KNDC1: variants seen among roughly 807,000 people sequenced by gnomAD.
KNDC1 encodes the protein kinase non-catalytic C-lobe domain-containing protein 1.
In KNDC1, 106 loss-of-function variants were observed where a neutral mutation model predicts 172.8. The observed-to-expected ratio is 0.61, with a 90% CI of 0.52 to 0.72. The LOEUF (loss-of-function observed/expected upper bound fraction) is 0.72, where lower values mean the gene tolerates loss of function less well. KNDC1 is among the 30% of genes least tolerant of loss of function. KNDC1 has a pLI of 0.00. For missense variants in KNDC1, 2,325 were observed against 2,394.5 expected (o/e 0.97, Z 0.61); for synonymous variants, 1,083 against 1,062.2 (o/e 1.02, Z -0.38).
rs891187656 is a variant in KNDC1, at chr10:133,212,730, G to A, written c.4251G>A (p.Arg1417=). Residue 1417 remains arginine (R), a synonymous_variant, in exon 24 of 30, where the codon AGG becomes AGA. Coordinates refer to ENST00000304613, the MANE Select transcript of KNDC1 (RefSeq NM_152643.8). ...DGISRKSFPW[R]LPRGNGLVLP... is the part of the protein sequence containing the mutation. ...CTGCCCTGCAGAGCTTCCCCTGGAG[G>A]CTGCCCCGAGGCAACGGGCTGGTGC... The A allele has an allele frequency of 7.4e-6, 12 of 1,612,912 alleles. No individual in the cohort carries two copies. The highest frequency in any genetic ancestry group is 1.0e-5 in the Non-Finnish European group (12 of 1,179,706).
rs925260012 is a variant in KNDC1 at position 133,224,393 on chromosome 10, C to G, written c.5019-266C>G. ...AGACTGGGCTTGACTCTTCTTGGGA[C>G]GCTCAGCAGGGACGAGCCTGAGCCT... On this transcript the variant is annotated intron_variant, in intron 29 of 29. Transcript: ENST00000304613. This position sits in a 1 kb window ranked among gnomAD's most constrained non-coding sequence, Gnocchi z 5.4. Among the ~76,000 whole-genome samples, 3 of 152,112 alleles carry G rather than the reference C, an allele frequency of 2.0e-5. No homozygotes were observed. Among genetic ancestry groups the G allele is most frequent in the African/African-American group, 7.2e-5 (3 of 41,422 alleles).
chr10:133,219,203 G>A (rs1845530714), intron 28 of KNDC1, 113 bp downstream of exon 28: 1 of 1,335,106 alleles, frequency 7.5e-7, no homozygotes, highest in Admixed American at 2.1e-5. Flanking sequence ...GTGTGTGCAG[G>A]TGGCCCAGCC....
intron 1 of KNDC1, 89 bp from the exon 2 acceptor site, chr10:133,167,292 G>C: frequency 1.5e-6 from 2 of 1,307,548 alleles, no homozygotes; most frequent in East Asian, 2.5e-5. Flanking sequence ...GCCACGAGTC[G>C]TCCGTTTCCC....
Position 133,189,755 on chromosome 10 carries a change from C to T in KNDC1, c.1517C>T (p.Ser506Phe), listed in dbSNP as rs1007792587. 2.5e-6 allele frequency: 4 copies of T among 1,614,110 alleles called. No homozygotes were observed. Among genetic ancestry groups the T allele is most frequent in the Non-Finnish European group, 2.5e-6 (3 of 1,180,014 alleles). The change falls in exon 9 of 30, where the codon TCC becomes TTC. Residue 506 changes from serine (S) to phenylalanine (F), a missense_variant. Physicochemically the swap from Ser to Phe is radical, Grantham distance 155. Transcript: ENST00000304613. Reference protein sequence around the residue: ...VLFQPPPANGSYDSFFLAPEL... With the variant: ...VLFQPPPANGFYDSFFLAPEL... ...CTCAGTCGGGTTTCTCTCTTAGGTT[C>T]CTATGACTCGTTCTTTCTGGCTCCC...
chr10:133,167,240 C>T lies in KNDC1; in HGVS notation c.103-141C>T, dbSNP rs952105532. On this transcript the variant is annotated intron_variant, in intron 1 of 29. Coordinates refer to ENST00000304613, the MANE Select transcript of KNDC1 (RefSeq NM_152643.8). ...GGACGACTCTTGAAACAAAATGAGA[C>T]GTGGTCTAAAGCCCTTTCCCTGACC... The T allele has an allele frequency of 5.2e-5, 38 of 724,288 alleles. 1 individual carries two copies. The highest frequency in any genetic ancestry group is 4.8e-4 in the South Asian group (26 of 54,472). The allele number at this position is 724,288 out of a possible 1,614,324, so 44.9% of individuals were successfully genotyped here.
intron 7 of KNDC1, 109 bp downstream of exon 7, chr10:133,188,762 GCCCCCCCA>G (rs1853997069): frequency 1.9e-6 from 1 of 533,864 alleles, no homozygotes; most frequent in African/African-American, 3.4e-5. Flanking sequence ...ACCGTCCCAC[GCCCCCCCA>G]CTGTCCCATC....
Position 133,199,139 on chromosome 10 carries a change from C to T in KNDC1, c.2631C>T (p.Pro877=). 2 of 1,598,654 alleles carry T rather than the reference C, an allele frequency of 1.3e-6. No individual in the cohort carries two copies. Among genetic ancestry groups the T allele is most frequent in the African/African-American group, 1.3e-5 (1 of 74,894 alleles). The change falls in exon 14 of 30, where the codon CCC becomes CCT. Residue 877 remains proline, a synonymous_variant. Coordinates refer to ENST00000304613, the MANE Select transcript of KNDC1 (RefSeq NM_152643.8). ...CCGCAGACCGGAGGCTCTGTCTGCC[C>T]TGCGTGGATGCCTCGCCACTCCCAG... ...PRPADRRLCL[P]CVDASPLPGR...
rs758201955 is a variant in KNDC1 at position 133,211,531 on chromosome 10, G to A, written c.4018G>A (p.Gly1340Arg). ...CGCTGTGGACTTCCCTCGGAACAGC[G>A]GGCTGCTGGGGAAGCTAGAGGACTT... is the stretch of plus-strand genomic sequence containing the variant. ...CYAVDFPRNS[G>R]LLGKLEDFIS... Residue 1340 changes from glycine (G) to arginine (R), a missense_variant, in exon 22 of 30, where the codon GGG becomes AGG. Gly to Arg is a moderately radical substitution (Grantham distance 125). Coordinates refer to ENST00000304613, the MANE Select transcript of KNDC1 (RefSeq NM_152643.8). 88 of 1,614,006 alleles carry A rather than the reference G, an allele frequency of 5.5e-5. No homozygotes were observed. Among genetic ancestry groups the A allele is most frequent in the Middle Eastern group, 5.0e-4 (3 of 6,058 alleles).
Position 133,186,443 on chromosome 10 carries a change from G to T in KNDC1, c.1095G>T (p.Pro365=), listed in dbSNP as rs764989433. 4 of 1,612,402 alleles carry T rather than the reference G, an allele frequency of 2.5e-6. No individual in the cohort carries two copies. In the South Asian group the frequency reaches 4.4e-5, roughly 18 times the overall value. The part of the protein sequence containing the change: ...FQAQPKCRLW[P]EQEPEHQLGR... ...CTCAGCCCAAATGCAGGCTGTGGCC[G>T]GAGCAGGAGCCGGAACACCAGCTGG... is the stretch of plus-strand genomic sequence containing the variant. Residue 365 remains proline, a synonymous_variant, in exon 6 of 30, where the codon CCG becomes CCT. Transcript: ENST00000304613.
chr10:133,172,596 A>G (rs1312416262), intron 3 of KNDC1, among the ~76,000 whole-genome samples: 3 of 152,082 alleles, frequency 2.0e-5, no homozygotes, highest in Non-Finnish European at 4.4e-5. Flanking sequence ...TGTCCTGTTT[A>G]TTTAAGAATG....
In KNDC1 at chr10:133,186,392, G is replaced by T. The variant is rs1853918604; in HGVS notation, c.1044G>T (p.Arg348Ser). 2.5e-6 allele frequency: 4 copies of T among 1,612,772 alleles called. No individual in the cohort carries two copies. The highest frequency in any genetic ancestry group is 3.4e-6 in the Non-Finnish European group (4 of 1,179,954). The change falls in exon 6 of 30, where the codon AGG becomes AGT. Residue 348 changes from arginine (R) to serine (S), a missense_variant. By Grantham distance (110) the Arg-to-Ser change is moderately radical. Coordinates refer to ENST00000304613, the MANE Select transcript of KNDC1 (RefSeq NM_152643.8). ...ACCCCAGGAAGGCCTTTCTGGACAG[G>T]AAAAATGGCCTTTCTAGCTTCCAGG... ...SPDPRKAFLD[R>S]KNGLSSFQAQ... is the part of the protein sequence containing the mutation.
Position 133,163,494 on chromosome 10 carries a change from A to T in KNDC1, c.102+2925A>T, listed in dbSNP as rs1483197474. On this transcript the variant is annotated intron_variant, in intron 1 of 29. Transcript: ENST00000304613. This position sits in a 1 kb window ranked among gnomAD's most constrained non-coding sequence, Gnocchi z 4.4. Reference sequence around the variant, plus strand: ...AGAGCAGAAGGCACCTCGGGAGCAGAGGTGGTTTTGTGGTGGGGGCCTGGC... The same window carrying T: ...AGAGCAGAAGGCACCTCGGGAGCAGTGGTGGTTTTGTGGTGGGGGCCTGGC... Among the ~76,000 whole-genome samples, 1 of 151,988 alleles carries T rather than the reference A, an allele frequency of 6.6e-6. No individual in the cohort carries two copies. The highest frequency in any genetic ancestry group is 1.5e-5 in the Non-Finnish European group (1 of 67,992).
At position 133,198,393 on chromosome 10, in the gene KNDC1, G is replaced by A. The variant is rs370453667; in HGVS notation, c.1963G>A (p.Gly655Ser). Reference sequence around the variant, plus strand: ...TGTGGCTGTGCCAGGGCCCGTGCCCGGCCAGCACCCCTGCGGTGAAGAAGC... The same window carrying A: ...TGTGGCTGTGCCAGGGCCCGTGCCCAGCCAGCACCCCTGCGGTGAAGAAGC... ...GLVAVPGPVPGQHPCGEEATQ... is the reference protein window; with the variant it reads ...GLVAVPGPVPSQHPCGEEATQ... Residue 655 changes from glycine to serine, a missense_variant, in exon 13 of 30, where the codon GGC becomes AGC. Gly to Ser is a moderately conservative substitution (Grantham distance 56). Transcript: ENST00000304613. The A allele has an allele frequency of 4.4e-5, 70 of 1,598,848 alleles. No individual in the cohort carries two copies. In the African/African-American group the frequency reaches 5.5e-4, roughly 13 times the overall value.
At chr10:133,194,871 G>C (rs562670955) in intron 9 of KNDC1, among the ~76,000 whole-genome samples, 4 of 152,344 alleles carry the variant, frequency 2.6e-5, no homozygotes, top group African/African-American at 9.6e-5. Context: ...GCTCCCTTGA[G>C]AATAGCCCAA....
intron 3 of KNDC1, among the ~76,000 whole-genome samples, chr10:133,177,714 T>C (rs1853587623): frequency 6.6e-6 from 1 of 152,070 alleles, no homozygotes; most frequent in Non-Finnish European, 1.5e-5. Context: ...TCCATGCATG[T>C]GGTATGGTGT....
Position 133,209,251 on chromosome 10 carries a change from G to A in KNDC1, c.3795-1360G>A, listed in dbSNP as rs111068464. Among the ~76,000 whole-genome samples the A allele has an allele frequency of 0.015, 2,263 of 149,544 alleles. 60 individuals are homozygous for A. Among genetic ancestry groups the A allele is most frequent in the African/African-American group, 0.053 (2,162 of 40,484 alleles). ...TGTGGTGCGTATGCACATGTGTGGT[G>A]TGTGGTATGCGGTAGTGTGTGTGTG... On this transcript the variant is annotated intron_variant, in intron 20 of 29. Transcript: ENST00000304613. This position sits in a 1 kb window ranked among gnomAD's most constrained non-coding sequence, Gnocchi z 4.9.
rs749729827 is a variant in KNDC1, at chr10:133,189,768, C to T, written c.1530C>T (p.Phe510=). The change falls in exon 9 of 30, where the codon TTC becomes TTT. Residue 510 remains phenylalanine, a synonymous_variant. Coordinates refer to ENST00000304613, the MANE Select transcript of KNDC1 (RefSeq NM_152643.8). ...PPPANGSYDS[F]FLAPELAEER... ...CTCTCTTAGGTTCCTATGACTCGTT[C>T]TTTCTGGCTCCCGAGCTGGCAGAGG... The T allele has an allele frequency of 1.9e-6, 3 of 1,613,954 alleles. No individual in the cohort carries two copies. Among genetic ancestry groups the T allele is most frequent in the African/African-American group, 1.3e-5 (1 of 74,920 alleles).
chr10:133,182,155 G>A (rs577656421), intron 3 of KNDC1, among the ~76,000 whole-genome samples: 3 of 152,250 alleles, frequency 2.0e-5, no homozygotes, highest in Non-Finnish European at 2.9e-5. Flanking sequence ...GCCTGGGGCC[G>A]CGGGATGCAG....
intron 3 of KNDC1, chr10:133,179,517 C>G (rs2135966077): frequency 6.6e-6 from 1 of 152,396 alleles, no homozygotes; most frequent in African/African-American, 2.4e-5. Flanking sequence ...TGAAGCGAGA[C>G]TCGGGAGAGT....
Sources: gnomAD v4.1 joint callset for allele counts (sites outside exome capture counted in the v4.1 genomes callset) on GRCh38, gnomAD v4.1.1 for gene constraint, Gnocchi (gnomAD v3.1) non-coding constraint, MANE v1.5 for transcripts, NCBI Gene and HGNC (gene_info 2026-07-23, HGNC 2026-07-21) for gene names.